HSPG2: variants seen among roughly 807,000 people sequenced by gnomAD.
The protein encoded by HSPG2 is basement membrane-specific heparan sulfate proteoglycan core protein.
A neutral mutation model predicts 526.6 loss-of-function variants in HSPG2; 278 were observed. The ratio of observed to expected loss-of-function variants is 0.53; its 90% CI spans 0.48 to 0.58. The LOEUF (loss-of-function observed/expected upper bound fraction) is 0.58, where lower values mean the gene tolerates loss of function less well. Among genes scored for constraint, HSPG2 ranks in the 20% least tolerant of loss-of-function variants. HSPG2 has a pLI of 0.00. For synonymous variants in HSPG2, 2,465 were observed against 2,555.4 expected (o/e 0.96, Z 1.07); for missense variants, 5,354 against 6,099.5 (o/e 0.88, Z 4.07).
Position 21,865,344 on chromosome 1 carries a change from C to A in HSPG2, c.4336G>T (p.Ala1446Ser), listed in dbSNP as rs1572279173. 6 of 1,614,072 alleles carry A rather than the reference C, an allele frequency of 3.7e-6. No individual in the cohort carries two copies. The highest frequency in any genetic ancestry group is 2.7e-5 in the African/African-American group (2 of 75,010). Residue 1446 changes from alanine (A) to serine (S), a missense_variant, in exon 35 of 97, where the codon GCC becomes TCC. Coordinates refer to ENST00000374695, the MANE Select transcript of HSPG2 (RefSeq NM_005529.7). This position sits in a 1 kb window ranked among gnomAD's most constrained non-coding sequence, Gnocchi z 5.4. ...GGGCCCTGCAGCGCTGGCTGGGAGG[C>A]CACTAGCATGATGTTGTTGCCCTGG... The part of the protein sequence containing the change: ...QITGNNIMLV[A>S]SQPALQGPER...
chr1:21,842,866 T>A lies in HSPG2; in HGVS notation c.8814A>T (p.Glu2938Asp). 6.2e-7 allele frequency: 1 copy of A among 1,614,074 alleles called. No individual in the cohort carries two copies. The highest frequency in any genetic ancestry group is 1.1e-5 in the South Asian group (1 of 91,084). The change falls in exon 67 of 97, where the codon GAA becomes GAT. Residue 2938 changes from glutamate to aspartate, a missense_variant. Physicochemically the swap from Glu to Asp is conservative, Grantham distance 45. Transcript: ENST00000374695. ...CACAGTTCAGATCCAGAGTCTGCCC[T>A]TCAGTCACGTGTGAAGAGGAGGCCT... ...YIEASSSHVT[E>D]GQTLDLNCVV... is the part of the protein sequence containing the mutation.
chr1:21,847,896 C>G lies in HSPG2; in HGVS notation c.7874-56G>C, dbSNP rs181975154. The G allele has an allele frequency of 2.0e-5, 32 of 1,613,628 alleles. No homozygotes were observed. The highest frequency in any genetic ancestry group is 2.5e-5 in the Non-Finnish European group (30 of 1,179,996). ...CAGAGTGAGATAACAGTGATGGCAC[C>G]GGGGACCTCTCTGCCACCCTCTGCG... On this transcript the variant is annotated intron_variant, in intron 60 of 96. Transcript: ENST00000374695. The surrounding 1 kb of genome is among the most constrained non-coding windows in gnomAD (Gnocchi z 4.1).
intron 65 of HSPG2, 98 bp from the exon 66 acceptor site, chr1:21,843,536 G>A: frequency 7.5e-7 from 1 of 1,329,296 alleles, no homozygotes; most frequent in Non-Finnish European, 1.0e-6. Context: ...GCACAGATAT[G>A]TAGGCGCATC....
At position 21,888,238 on chromosome 1, in the gene HSPG2, G is replaced by C. The variant is rs376487847; in HGVS notation, c.575-172C>G. Among the ~76,000 whole-genome samples the C allele has an allele frequency of 3.3e-5, 5 of 152,190 alleles. No individual in the cohort carries two copies. In the East Asian group the frequency reaches 9.6e-4, roughly 29 times the overall value. ...CACTAGACACATCCACAGCACACGTGGGGCATGGGACATGCGGCAGTGGCC... is the reference window on the plus strand; with the variant it reads ...CACTAGACACATCCACAGCACACGTCGGGCATGGGACATGCGGCAGTGGCC... On this transcript the variant is annotated intron_variant, in intron 6 of 96. Transcript: ENST00000374695.
At chr1:21,921,440 G>A (rs556038413) in intron 1 of HSPG2, among the ~76,000 whole-genome samples, 2 of 152,248 alleles carry the variant, frequency 1.3e-5, no homozygotes, top group Non-Finnish European at 2.9e-5. Flanking sequence ...GACCCTGTGG[G>A]CCCTAAGACT....
At chr1:21,901,187 A>G (rs750602654) in intron 1 of HSPG2, among the ~76,000 whole-genome samples, 4 of 152,098 alleles carry the variant, frequency 2.6e-5, no homozygotes, top group African/African-American at 7.2e-5. Context: ...CGTTTTCTGG[A>G]TGAAGAAACT....
intron 39 of HSPG2, among the ~76,000 whole-genome samples, chr1:21,861,308 G>C (rs1415374118): frequency 6.6e-6 from 1 of 152,066 alleles, no homozygotes; most frequent in East Asian, 1.9e-4. Flanking sequence ...GGGTGGTTTA[G>C]GGGTGAAGAC....
In HSPG2 at chr1:21,833,840, G is replaced by C. The variant is rs367610252; in HGVS notation, c.10806C>G (p.Pro3602=). 5 of 1,602,148 alleles carry C rather than the reference G, an allele frequency of 3.1e-6. No homozygotes were observed. Among genetic ancestry groups the C allele is most frequent in the Admixed American group, 1.7e-5 (1 of 58,438 alleles). Residue 3602 remains proline (P), a synonymous_variant, in exon 78 of 97, where the codon CCC becomes CCG. Transcript: ENST00000374695. ...AVFPCIASGY[P]TPDISWSKLD... ...CCTTGCTCCAGCTGATGTCAGGAGT[G>C]GGGTAGCCTGAGGCTATGCAGGGGA...
At position 21,839,323 on chromosome 1, in the gene HSPG2, G is replaced by T. The variant is rs755423149; in HGVS notation, c.9889+48C>A. On this transcript the variant is annotated intron_variant, in intron 73 of 96. Coordinates refer to ENST00000374695, the MANE Select transcript of HSPG2 (RefSeq NM_005529.7). The surrounding 1 kb of genome is among the most constrained non-coding windows in gnomAD (Gnocchi z 4.5). Reference sequence around the variant, plus strand: ...CTGTGTGGGGTGGAGCCTAGTCGGGGGGCTCAGATCTCCATTTGGTGCAGA... The same window carrying T: ...CTGTGTGGGGTGGAGCCTAGTCGGGTGGCTCAGATCTCCATTTGGTGCAGA... The T allele has an allele frequency of 2.5e-6, 4 of 1,590,272 alleles. No individual in the cohort carries two copies. In the Admixed American group the frequency reaches 5.0e-5, roughly 20 times the overall value.
At chr1:21,866,190 C>T (rs1452102678) in intron 33 of HSPG2, among the ~76,000 whole-genome samples, 1 of 152,234 alleles carries the variant, frequency 6.6e-6, no homozygotes, top group Admixed American at 6.5e-5. Context: ...AAGTTCTCAG[C>T]CATGGGGGTG....
intron 57 of HSPG2, 90 bp downstream of exon 57, chr1:21,849,951 T>C: frequency 6.5e-7 from 1 of 1,527,210 alleles, no homozygotes; most frequent in Non-Finnish European, 9.0e-7. Context: ...GTGCCGGGAT[T>C]ACAGGCGTGA....
In HSPG2 at chr1:21,878,271, T is replaced by C. The variant is rs1318404324; in HGVS notation, c.2618-18A>G. The C allele has an allele frequency of 1.2e-6, 2 of 1,612,828 alleles. No individual in the cohort carries two copies. The highest frequency in any genetic ancestry group is 1.7e-6 in the Non-Finnish European group (2 of 1,179,652). On this transcript the variant is annotated intron_variant, in intron 20 of 96. Coordinates refer to ENST00000374695, the MANE Select transcript of HSPG2 (RefSeq NM_005529.7). Reference sequence around the variant, plus strand: ...CTCCTGGTCTGGGACACAAAACGAGTGTTGGCAGGGCAGGTGGGAATGGGA... The same window carrying C: ...CTCCTGGTCTGGGACACAAAACGAGCGTTGGCAGGGCAGGTGGGAATGGGA...
Position 21,859,980 on chromosome 1 carries a change from G to T in HSPG2, c.5037C>A (p.Val1679=). 6.2e-7 allele frequency: 1 copy of T among 1,610,732 alleles called. No homozygotes were observed. The highest frequency in any genetic ancestry group is 1.1e-5 in the South Asian group (1 of 90,264). ...CTATGCTTCGAGCAGGATGGACCTC[G>T]ACCACCAGTGGGGCTTGGTTTGCTG... ...LPETNQAPLV[V]EVHPARSIVP... The change falls in exon 41 of 97, where the codon GTC becomes GTA. Residue 1679 remains valine, a synonymous_variant. Transcript: ENST00000374695. The surrounding 1 kb of genome is among the most constrained non-coding windows in gnomAD (Gnocchi z 5.3).
Position 21,824,334 on chromosome 1 carries a change from C to T in HSPG2, c.12787G>A (p.Gly4263Arg), listed in dbSNP as rs767467512. ...AAGACAAGGTGCCCGTCTTGAAGCCCGAGGCTGATGAAGTCCTTGCCTTGG... is the reference window on the plus strand; with the variant it reads ...AAGACAAGGTGCCCGTCTTGAAGCCTGAGGCTGATGAAGTCCTTGCCTTGG... The part of the protein sequence containing the change: ...AGQGKDFISL[G>R]LQDGHLVFRY... Residue 4263 changes from glycine to arginine, a missense_variant, in exon 94 of 97, where the codon GGG becomes AGG. Transcript: ENST00000374695. This position sits in a 1 kb window ranked among gnomAD's most constrained non-coding sequence, Gnocchi z 5.9. 1.1e-5 allele frequency: 17 copies of T among 1,613,760 alleles called. No individual in the cohort carries two copies. The Admixed American group carries it at 1.5e-4, about 14-fold the overall frequency.
intron 50 of HSPG2, 145 bp from the exon 51 acceptor site, chr1:21,853,215 TC>T: frequency 9.0e-7 from 1 of 1,111,630 alleles, no homozygotes; most frequent in Non-Finnish European, 1.3e-6. Flanking sequence ...CCCTTCTGCC[TC>T]CACATGGCCA....
chr1:21,927,322 G>C (rs992234097), intron 1 of HSPG2, among the ~76,000 whole-genome samples: 2 of 152,152 alleles, frequency 1.3e-5, no homozygotes, highest in African/African-American at 4.8e-5. Flanking sequence ...AGGGTGGGGT[G>C]GGGTGAGATC....
In HSPG2 at chr1:21,830,058, C is replaced by T. The variant is rs375127656; in HGVS notation, c.11705G>A (p.Arg3902Gln). The change falls in exon 86 of 97, where the codon CGG becomes CAG. Residue 3902 changes from arginine to glutamine, a missense_variant. By Grantham distance (43) the Arg-to-Gln change is conservative (BLOSUM62 1). Coordinates refer to ENST00000374695, the MANE Select transcript of HSPG2 (RefSeq NM_005529.7). ...ACGPDATCVNRPDGRGYTCRC... is the reference protein window; with the variant it reads ...ACGPDATCVNQPDGRGYTCRC... ...GCAGGTGTAGCCTCGACCGTCAGGC[C>T]GGTTCACACAGGTGGCGTCGGGCCC... The T allele has an allele frequency of 4.2e-5, 68 of 1,604,280 alleles. No individual in the cohort carries two copies. The highest frequency in any genetic ancestry group is 1.2e-4 in the African/African-American group (9 of 74,818).
rs1199654464 is a variant in HSPG2 at position 21,936,307 on chromosome 1, C to T, written c.63+848G>A. Reference sequence around the variant, plus strand: ...ATTCCTGACCGTAGAATTCCCTTTTCCTCCACCTAAGCTCAGAGTAGGGGA... The same window carrying T: ...ATTCCTGACCGTAGAATTCCCTTTTTCTCCACCTAAGCTCAGAGTAGGGGA... On this transcript the variant is annotated intron_variant, in intron 1 of 96. Transcript: ENST00000374695. Among the ~76,000 whole-genome samples the T allele has an allele frequency of 2.0e-5, 3 of 152,190 alleles. No homozygotes were observed. In the East Asian group the frequency reaches 5.8e-4, roughly 29 times the overall value.
chr1:21,900,468 A>G (rs1253069559), intron 1 of HSPG2, among the ~76,000 whole-genome samples: 1 of 152,192 alleles, frequency 6.6e-6, no homozygotes, highest in African/African-American at 2.4e-5. Context: ...CGAGGGTCAC[A>G]TGGAACTCCA....
Sources: allele counts gnomAD v4.1 joint callset (sites outside exome capture counted in the v4.1 genomes callset), GRCh38; gene constraint gnomAD v4.1.1; non-coding constraint Gnocchi (gnomAD v3.1); transcripts MANE v1.5; gene names NCBI Gene and HGNC (gene_info 2026-07-23, HGNC 2026-07-21).